Variants in MREG observed in about 807,000 individuals in gnomAD.
MREG encodes dilute suppressor protein homolog.
Under a neutral mutation model 28.5 loss-of-function variants are expected in MREG, and 31 were observed. The ratio of observed to expected loss-of-function variants is 1.09; its 90% CI spans 0.82 to 1.47. The LOEUF is 1.47. Among genes scored for constraint, MREG ranks in the 40% most tolerant of loss-of-function variants. The pLI, the probability that MREG is intolerant of heterozygous loss-of-function variation, is 0.00. For synonymous variants in MREG, 106 were observed against 95.2 expected (o/e 1.11, Z -0.66); for missense variants, 256 against 257.4 (o/e 0.99, Z 0.04).
chr2:215,949,078 C>CTAATAATAATAA (rs1491318499), intron 2 of MREG, among the ~76,000 whole-genome samples: 8 of 88,958 alleles, frequency 9.0e-5, no homozygotes, highest in East Asian at 5.5e-4. Context: ...ACTACTACTA[C>CTAATAATAATAA]TACTACTACT....
At chr2:215,988,313 C>A (rs1051129150) in intron 2 of MREG, among the ~76,000 whole-genome samples, 1 of 152,122 alleles carries the variant, frequency 6.6e-6, no homozygotes, top group Non-Finnish European at 1.5e-5. Flanking sequence ...CCTCTCTTAG[C>A]CAAGGGAAGC....
At chr2:215,971,259 A>G (rs796701521) in intron 2 of MREG, among the ~76,000 whole-genome samples, 17 of 152,326 alleles carry the variant, frequency 1.1e-4, no homozygotes, top group African/African-American at 4.1e-4. Flanking sequence ...ATGTCTATGT[A>G]ACAAACCTGC....
intron 2 of MREG, among the ~76,000 whole-genome samples, chr2:215,991,159 A>G (rs1003872787): frequency 6.6e-6 from 1 of 152,226 alleles, no homozygotes; most frequent in Non-Finnish European, 1.5e-5. Context: ...AACACTCCTC[A>G]GCAAATGCAA....
chr2:215,978,236 C>T (rs940860370), intron 2 of MREG, among the ~76,000 whole-genome samples: 1 of 152,172 alleles, frequency 6.6e-6, no homozygotes, highest in Non-Finnish European at 1.5e-5. Context: ...AAACTACCAT[C>T]AGAGAATACT....
chr2:215,970,589 A>C (rs1465920415), intron 2 of MREG, among the ~76,000 whole-genome samples: 1 of 152,316 alleles, frequency 6.6e-6, no homozygotes, highest in Non-Finnish European at 1.5e-5. Flanking sequence ...ACAGCCATAC[A>C]TGCACAAGGG....
intron 1 of MREG, among the ~76,000 whole-genome samples, chr2:216,024,155 T>C (rs890267872): frequency 6.6e-6 from 1 of 152,208 alleles, no homozygotes; most frequent in Non-Finnish European, 1.5e-5. Context: ...CTCTTTTCAA[T>C]TTAGAAAGGT....
In MREG at chr2:215,996,373, T is replaced by G; in HGVS notation, c.188A>C (p.Glu63Ala). Residue 63 changes from glutamate (E) to alanine (A), a missense_variant, in exon 2 of 5, where the codon GAG becomes GCG. Glu to Ala is a moderately radical substitution (Grantham distance 107). Transcript: ENST00000263268. ...GTACAGGGTTCTGTCGTCGTCTGCC[T>G]CTGTGTGGGACACATCATGGGGCAT... ...WSMPHDVSHTEADDDRTLYNL... is the reference protein window; with the variant it reads ...WSMPHDVSHTAADDDRTLYNL... 1 of 1,614,014 alleles carries G rather than the reference T, an allele frequency of 6.2e-7. No individual in the cohort carries two copies. The highest frequency in any genetic ancestry group is 8.5e-7 in the Non-Finnish European group (1 of 1,179,862).
chr2:215,990,156 G>A (rs561992015), intron 2 of MREG, among the ~76,000 whole-genome samples: 1 of 152,284 alleles, frequency 6.6e-6, no homozygotes, highest in African/African-American at 2.4e-5. Flanking sequence ...GAAAGGTCGG[G>A]TTACCCACAA....
intron 2 of MREG, among the ~76,000 whole-genome samples, chr2:215,994,121 A>T (rs1219928997): frequency 6.6e-6 from 1 of 152,060 alleles, no homozygotes; most frequent in Non-Finnish European, 1.5e-5. Context: ...ATGTATGTTT[A>T]TCGCAACACT....
At chr2:216,026,922 A>G (rs1694605598) in intron 1 of MREG, among the ~76,000 whole-genome samples, 1 of 152,242 alleles carries the variant, frequency 6.6e-6, no homozygotes, top group Non-Finnish European at 1.5e-5. Flanking sequence ...CATCCTATCC[A>G]TGTAGTAGGC....
intron 2 of MREG, among the ~76,000 whole-genome samples, chr2:215,971,818 G>C (rs2105990527): frequency 6.6e-6 from 1 of 152,290 alleles, no homozygotes; most frequent in East Asian, 1.9e-4. Context: ...TTCAAAACTA[G>C]GGCAGAGGAA....
At chr2:215,958,656 C>T (rs1047999630) in intron 2 of MREG, among the ~76,000 whole-genome samples, 7 of 152,156 alleles carry the variant, frequency 4.6e-5, no homozygotes, top group Admixed American at 3.3e-4. Context: ...TCCTCCTATC[C>T]CCTGATCACC....
intron 2 of MREG, among the ~76,000 whole-genome samples, chr2:215,954,676 G>C (rs890345730): frequency 6.6e-6 from 1 of 151,824 alleles, no homozygotes; most frequent in African/African-American, 2.4e-5. Context: ...CTCAAATTAT[G>C]CTTCTTTTTT....
At chr2:216,029,102 C>A (rs1381904035) in intron 1 of MREG, among the ~76,000 whole-genome samples, 3 of 151,858 alleles carry the variant, frequency 2.0e-5, no homozygotes, top group African/African-American at 7.3e-5. Context: ...TTATATTCAT[C>A]TTTATTTATT....
At chr2:215,961,188 G>A (rs147430817) in intron 2 of MREG, among the ~76,000 whole-genome samples, 1 of 152,358 alleles carries the variant, frequency 6.6e-6, no homozygotes, top group African/African-American at 2.4e-5. Context: ...ACTTAGAGGG[G>A]CCGTCAATAA....
At chr2:215,946,999 T>C (rs779436264) in intron 3 of MREG, 24 bp downstream of exon 3, 36 of 1,362,914 alleles carry the variant, frequency 2.6e-5, no homozygotes, top group Admixed American at 5.3e-5. Context: ...ATTTTTACCA[T>C]TTCACAATCT....
rs191836538 is a variant in MREG, at chr2:215,992,933, A to G, written c.255+3373T>C. Among the ~76,000 whole-genome samples the G allele has an allele frequency of 4.8e-3, 732 of 152,290 alleles. 6 individuals are homozygous for G. Among genetic ancestry groups the G allele is most frequent in the African/African-American group, 0.017 (715 of 41,552 alleles). On this transcript the variant is annotated intron_variant, in intron 2 of 4. Transcript: ENST00000263268. ...TAAGAGAGGACACAAACAAACAGAA[A>G]AACATTCCATGCTCATGGATAGGAA...
At chr2:215,949,845 T>C (rs1469706293) in intron 2 of MREG, among the ~76,000 whole-genome samples, 2 of 152,264 alleles carry the variant, frequency 1.3e-5, no homozygotes, top group African/African-American at 2.4e-5. Context: ...ATTACTTCAA[T>C]TTCTGGCTAC....
upstream of MREG, among the ~76,000 whole-genome samples, chr2:216,013,920 T>C (rs1321660226): frequency 2.0e-5 from 3 of 152,028 alleles, no homozygotes; most frequent in Non-Finnish European, 4.4e-5. Context: ...GGCGTAGGGT[T>C]TTTTTTTAAA....
Sources: allele counts gnomAD v4.1 joint callset (sites outside exome capture counted in the v4.1 genomes callset), GRCh38; gene constraint gnomAD v4.1.1; transcripts MANE v1.5; gene names NCBI Gene and HGNC (gene_info 2026-07-23, HGNC 2026-07-21).